The following SULT1E1 variants were observed in gnomAD, a reference collection of about 807,000 sequenced individuals.
SULT1E1 encodes sulfotransferase 1E1.
A neutral mutation model predicts 33.6 loss-of-function variants in SULT1E1; 36 were observed. That is an observed-to-expected ratio of 1.07 (90% confidence interval 0.82 to 1.41). The LOEUF (loss-of-function observed/expected upper bound fraction) is 1.41. Ranked by LOEUF, SULT1E1 falls within the 40% of genes most tolerant of loss-of-function variation. The pLI is 0.00. For synonymous variants in SULT1E1, 121 were observed against 111.7 expected, an observed-to-expected ratio of 1.08 and a Z score of -0.53; for missense variants, 371 against 345.7, an observed-to-expected ratio of 1.07 and a Z score of -0.58.
intron 5 of SULT1E1, among the ~76,000 whole-genome samples, chr4:69,848,579 G>A (rs997534475): frequency 6.6e-6 from 1 of 151,828 alleles, no homozygotes; most frequent in Non-Finnish European, 1.5e-5. Context: ...TCCCTTTGCA[G>A]TGATGCAAAA....
At chr4:69,830,390 T>A in the SULT1E1 span, among the ~76,000 whole-genome samples, 2 of 152,240 alleles carry the variant, frequency 1.3e-5, no homozygotes, top group African/African-American at 4.8e-5. Flanking sequence ...GAATGATGTA[T>A]TTACCATATG....
chr4:69,852,205 G>C (rs754607107), intron 4 of SULT1E1, among the ~76,000 whole-genome samples: 26 of 152,002 alleles, frequency 1.7e-4, no homozygotes, highest in Non-Finnish European at 2.5e-4. Context: ...TTCTAAGCTT[G>C]TGGCCATTCC....
chr4:69,829,776 A>G, the SULT1E1 span, among the ~76,000 whole-genome samples: 1 of 152,164 alleles, frequency 6.6e-6, no homozygotes, highest in African/African-American at 2.4e-5. Context: ...GGCTCCTACA[A>G]TGGTTGCACA....
intron 7 of SULT1E1, 92 bp downstream of exon 7, chr4:69,844,069 C>T: frequency 1.7e-6 from 2 of 1,148,270 alleles, no homozygotes; most frequent in Non-Finnish European, 2.6e-6. Context: ...AAGCTGGGTT[C>T]ATAGGCATTA....
the SULT1E1 span, among the ~76,000 whole-genome samples, chr4:69,833,583 A>G: frequency 6.6e-6 from 1 of 152,222 alleles, no homozygotes; most frequent in African/African-American, 2.4e-5. Context: ...AAGCTTTGCC[A>G]ACAAATAAAG....
At chr4:69,828,620 C>G in the SULT1E1 span, among the ~76,000 whole-genome samples, 1 of 152,196 alleles carries the variant, frequency 6.6e-6, no homozygotes, top group East Asian at 1.9e-4. Context: ...TTGAAGTCAA[C>G]AAGACCAAGA....
intron 4 of SULT1E1, among the ~76,000 whole-genome samples, chr4:69,851,342 A>G (rs1296183087): frequency 6.6e-6 from 1 of 152,244 alleles, no homozygotes; most frequent in Admixed American, 6.5e-5. Flanking sequence ...TCAAGAGAAG[A>G]CATTTATGCA....
chr4:69,824,124 C>T, the SULT1E1 span, among the ~76,000 whole-genome samples: 3 of 152,112 alleles, frequency 2.0e-5, no homozygotes, highest in South Asian at 6.2e-4. Context: ...CCAATGGTAC[C>T]CCCTTTGGTC....
chr4:69,846,343 T>C (rs1720977555), intron 6 of SULT1E1, among the ~76,000 whole-genome samples: 1 of 148,706 alleles, frequency 6.7e-6, no homozygotes, highest in Non-Finnish European at 1.5e-5. Context: ...GGAAAAAAAC[T>C]GCTAATTTCA....
chr4:69,827,787 GACAA>G, the SULT1E1 span, among the ~76,000 whole-genome samples: 2 of 152,188 alleles, frequency 1.3e-5, no homozygotes, highest in African/African-American at 2.4e-5. Flanking sequence ...ATGGCCCTCA[GACAA>G]ACAAACTTTG....
At position 69,854,225 on chromosome 4, in the gene SULT1E1, C is replaced by T; in HGVS notation, c.361G>A (p.Asp121Asn). The T allele has an allele frequency of 1.2e-6, 2 of 1,610,862 alleles. No homozygotes were observed. The highest frequency in any genetic ancestry group is 1.7e-6 in the Non-Finnish European group (2 of 1,177,988). ...CACTTGACTCTGGTTACCTTACAAT[C>T]CTTTTCCCAAAATGAGGCAGGAAGA... ...ELLPASFWEK[D>N]CKIIYLCRNA... is the part of the protein sequence containing the mutation. Residue 121 changes from aspartate (D) to asparagine (N), a missense_variant, in exon 4 of 8, where the codon GAT (aspartate) becomes AAT (asparagine). By Grantham distance (23) the Asp-to-Asn change is conservative. Coordinates refer to ENST00000226444, the MANE Select transcript of SULT1E1 (RefSeq NM_005420.3).
At chr4:69,821,850 T>C in the SULT1E1 span, among the ~76,000 whole-genome samples, 117,950 of 152,162 alleles carry the variant, frequency 0.78, 46,688 homozygotes, top group Non-Finnish European at 0.85. Context: ...TTAAAGCTTT[T>C]GGGTAAATGG....
At chr4:69,846,516 TTGGTATATATATCTGGGTTGTTTTCAA>T (rs1359424920) in intron 6 of SULT1E1, among the ~76,000 whole-genome samples, 1 of 151,354 alleles carries the variant, frequency 6.6e-6, no homozygotes, top group African/African-American at 2.4e-5. Flanking sequence ...TATGGATTCT[TTGGTATATATATCTGGGTTGTTTTCAA>T]TTTTTGCAGT....
At chr4:69,839,908 C>G (rs572159757), downstream of SULT1E1, among the ~76,000 whole-genome samples, 6 of 152,342 alleles carry the variant, frequency 3.9e-5, no homozygotes, top group African/African-American at 1.4e-4. Flanking sequence ...TCAGGCTAAA[C>G]TGGAATGTGT....
intron 7 of SULT1E1, among the ~76,000 whole-genome samples, chr4:69,842,679 C>T (rs1720904470): frequency 6.6e-6 from 1 of 152,194 alleles, no homozygotes. Context: ...TCATTATATT[C>T]AGGCTTTCTT....
the SULT1E1 span, among the ~76,000 whole-genome samples, chr4:69,825,702 C>T: frequency 2.0e-5 from 3 of 152,174 alleles, no homozygotes; most frequent in Middle Eastern, 3.4e-3. Flanking sequence ...CATTCAGCTC[C>T]GGGGTCCCGA....
intron 6 of SULT1E1, 145 bp from the exon 7 acceptor site, chr4:69,844,486 T>C (rs187930014): frequency 9.0e-5 from 59 of 653,060 alleles, no homozygotes; most frequent in Middle Eastern, 8.6e-4. Context: ...GGGGGAATTT[T>C]ATAAAAGCTG....
At chr4:69,858,443 T>A (rs976577734) in intron 1 of SULT1E1, among the ~76,000 whole-genome samples, 33 of 152,270 alleles carry the variant, frequency 2.2e-4, no homozygotes, top group African/African-American at 7.5e-4. Context: ...ATACTTTCTT[T>A]CATTAGCTTT....
chr4:69,828,576 G>T, the SULT1E1 span, among the ~76,000 whole-genome samples: 1 of 152,150 alleles, frequency 6.6e-6, no homozygotes, highest in Non-Finnish European at 1.5e-5. Flanking sequence ...TTTAAGAACT[G>T]TAACAGTCAC....
Sources: gnomAD v4.1 joint callset for allele counts (sites outside exome capture counted in the v4.1 genomes callset) on GRCh38, gnomAD v4.1.1 for gene constraint, MANE v1.5 for transcripts, NCBI Gene and HGNC (gene_info 2026-07-23, HGNC 2026-07-21) for gene names.